Variants in CACNA2D1 observed in about 807,000 individuals in gnomAD.
CACNA2D1 encodes the protein calcium voltage-gated channel auxiliary subunit alpha2delta 1.
CACNA2D1 carries 53 observed loss-of-function variants against 171.5 expected under a neutral mutation model. The ratio of observed to expected loss-of-function variants is 0.31; its 90% CI spans 0.25 to 0.39. The LOEUF (loss-of-function observed/expected upper bound fraction) is 0.39, where lower values mean the gene tolerates loss of function less well. CACNA2D1 is among the 10% of genes least tolerant of loss of function. The pLI is 1.00. For missense variants in CACNA2D1, 903 were observed against 1,299.8 expected (o/e 0.69, Z 4.69); for synonymous variants, 442 against 443.1 (o/e 1.00, Z 0.03).
intron 1 of CACNA2D1, among the ~76,000 whole-genome samples, chr7:82,391,421 A>T (rs1825107032): frequency 6.6e-6 from 1 of 152,234 alleles, no homozygotes. Context: ...TTGCCCACTC[A>T]TCTAAATCAG....
At position 82,032,854 on chromosome 7, in the gene CACNA2D1, C is replaced by T. The variant is rs148592476; in HGVS notation, c.1086G>A (p.Thr362=). 4.9e-5 allele frequency: 78 copies of T among 1,603,234 alleles called. No homozygotes were observed. The highest frequency in any genetic ancestry group is 1.7e-4 in the Middle Eastern group (1 of 5,998). Residue 362 remains threonine, a synonymous_variant, in exon 12 of 39, where the codon ACG becomes ACA. Coordinates refer to ENST00000356860, the MANE Select transcript of CACNA2D1 (RefSeq NM_000722.4). ...CCTGGGCTCTCTCTTCTCCTCCATC[C>T]GTGAATAGCATAATAATCTTATTGC... ...ANCNKIIMLF[T]DGGEERAQEI... is the part of the protein sequence containing the mutation.
Position 82,060,412 on chromosome 7 carries a change from G to A in CACNA2D1, c.879+16C>T, listed in dbSNP as rs1290565346. 2.0e-6 allele frequency: 3 copies of A among 1,534,248 alleles called. No homozygotes were observed. Among genetic ancestry groups the A allele is most frequent in the Admixed American group, 1.7e-5 (1 of 58,888 alleles). ...TGCAAATTTAATTCAGGAAAATGCA[G>A]TCATCTTATACTTACTGAAGCTACA... On this transcript the variant is annotated intron_variant, in intron 10 of 38. Coordinates refer to ENST00000356860, the MANE Select transcript of CACNA2D1 (RefSeq NM_000722.4).
intron 2 of CACNA2D1, among the ~76,000 whole-genome samples, chr7:82,344,876 T>G (rs1237755008): frequency 6.6e-6 from 1 of 152,176 alleles, no homozygotes; most frequent in African/African-American, 2.4e-5. Context: ...ATTTGTTTAT[T>G]TAAAGTGAGA....
intron 6 of CACNA2D1, among the ~76,000 whole-genome samples, chr7:82,102,496 A>G (rs1812798173): frequency 6.6e-6 from 1 of 151,642 alleles, no homozygotes; most frequent in African/African-American, 2.4e-5. Context: ...ACACACACAC[A>G]CACGCACACA....
At chr7:82,187,129 T>C (rs917231006) in intron 3 of CACNA2D1, among the ~76,000 whole-genome samples, 12 of 152,178 alleles carry the variant, frequency 7.9e-5, no homozygotes, top group African/African-American at 2.9e-4. Context: ...ATATCAGTCA[T>C]ATAAAATCTG....
chr7:82,188,160 A>G (rs554127139), intron 3 of CACNA2D1, among the ~76,000 whole-genome samples: 2 of 152,260 alleles, frequency 1.3e-5, no homozygotes, highest in South Asian at 4.1e-4. Context: ...ACTTTCTAGT[A>G]TCATTGCCTT....
chr7:82,201,553 G>A (rs527381690), intron 3 of CACNA2D1, among the ~76,000 whole-genome samples: 1 of 152,240 alleles, frequency 6.6e-6, no homozygotes, highest in African/African-American at 2.4e-5. Context: ...TGATTATTCA[G>A]GTCCCCTTTA....
rs1382567268 is a variant in CACNA2D1 at position 82,142,925 on chromosome 7, A to C, written c.355-6249T>G. On this transcript the variant is annotated intron_variant, in intron 4 of 38. Transcript: ENST00000356860. Reference sequence around the variant, plus strand: ...TACATTTGTAGCAATTTGACTTAGCAACCACTGCTATTTTGTCCATTATCA... The same window carrying C: ...TACATTTGTAGCAATTTGACTTAGCCACCACTGCTATTTTGTCCATTATCA... Among the ~76,000 whole-genome samples the C allele has an allele frequency of 2.6e-5, 4 of 152,180 alleles. No individual in the cohort carries two copies. In the East Asian group the frequency reaches 5.8e-4, roughly 22 times the overall value.
chr7:82,021,778 G>T (rs1282943200), intron 12 of CACNA2D1, among the ~76,000 whole-genome samples: 11 of 151,996 alleles, frequency 7.2e-5, no homozygotes, highest in Admixed American at 7.2e-4. Context: ...AATAGAGAAT[G>T]ATAAAGGGGA....
At chr7:82,413,976 TAC>T (rs1053114511) in intron 1 of CACNA2D1, among the ~76,000 whole-genome samples, 1 of 152,144 alleles carries the variant, frequency 6.6e-6, no homozygotes, top group Non-Finnish European at 1.5e-5. Flanking sequence ...GTAATAATAA[TAC>T]AGTCAAAATT....
chr7:82,092,376 AT>A (rs890364735), intron 6 of CACNA2D1, among the ~76,000 whole-genome samples: 20 of 148,758 alleles, frequency 1.3e-4, no homozygotes, highest in Non-Finnish European at 2.2e-4. Flanking sequence ...CTTCACAGTC[AT>A]TTTTTTTTTC....
chr7:82,069,108 T>G (rs1808012761), intron 7 of CACNA2D1, among the ~76,000 whole-genome samples: 1 of 152,194 alleles, frequency 6.6e-6, no homozygotes, highest in Non-Finnish European at 1.5e-5. Flanking sequence ...CATAATTTCT[T>G]CTGTGATATT....
At chr7:82,042,410 C>T (rs998182675) in intron 10 of CACNA2D1, among the ~76,000 whole-genome samples, 5 of 152,008 alleles carry the variant, frequency 3.3e-5, no homozygotes, top group Admixed American at 1.3e-4. Flanking sequence ...TGGTATATGG[C>T]GAGTGAAAAG....
intron 1 of CACNA2D1, among the ~76,000 whole-genome samples, chr7:82,440,829 A>C (rs755505474): frequency 7.2e-5 from 11 of 152,062 alleles, no homozygotes; most frequent in Non-Finnish European, 8.8e-5. Flanking sequence ...TTTTAAAAAA[A>C]AACTTTGAAC....
rs191567482 is a variant in CACNA2D1, at chr7:82,283,621, T to C, written c.294+51514A>G. 1.5e-3 allele frequency among the ~76,000 whole-genome samples: 235 copies of C among 152,206 alleles called. 1 individual carries two copies. Among genetic ancestry groups the C allele is most frequent in the Non-Finnish European group, 1.5e-3 (105 of 68,006 alleles). On this transcript the variant is annotated intron_variant, in intron 3 of 38. Transcript: ENST00000356860. ...AAAATGATATGGTCTTGGAAGAAGA[T>C]GATAGGAGGAAGATTCTTATATACT...
intron 15 of CACNA2D1, 24 bp downstream of exon 15, chr7:82,012,130 T>C: frequency 7.5e-7 from 1 of 1,337,680 alleles, no homozygotes; most frequent in South Asian, 1.2e-5. Flanking sequence ...TGACAGTCTT[T>C]GACTGAATAG....
intron 2 of CACNA2D1, among the ~76,000 whole-genome samples, chr7:82,340,341 GT>G (rs199938853): frequency 0.089 from 11,859 of 133,100 alleles, 519 homozygotes; most frequent in Middle Eastern, 0.22. Context: ...TTTGTTTTTT[GT>G]TTTTTTTTTT....
rs1268614530 is a variant in CACNA2D1 at position 81,949,295 on chromosome 7, T to C, written c.*1097A>G. 1 of 152,080 alleles carries C rather than the reference T, an allele frequency of 6.6e-6. No homozygotes were observed. Among genetic ancestry groups the C allele is most frequent in the Non-Finnish European group, 1.5e-5 (1 of 67,962 alleles). The allele number at this position is 152,080 out of a possible 1,614,324, so 9.4% of individuals were successfully genotyped here. A position where few individuals can be genotyped will look rare whatever the true frequency, so the allele number is the denominator to read the frequency against. ...ATTCATTAATTCTCATTTCACCATT[T>C]ATCTAACCCCAATCATTCAGCATTT... On this transcript the variant is annotated 3_prime_UTR_variant, in exon 39 of 39. Coordinates refer to ENST00000356860, the MANE Select transcript of CACNA2D1 (RefSeq NM_000722.4).
rs79637148 is a variant in CACNA2D1, at chr7:82,274,781, G to T, written c.294+60354C>A. On this transcript the variant is annotated intron_variant, in intron 3 of 38. Transcript: ENST00000356860. ...TGAGGGGAGGCAATTCTTTTTTGTT[G>T]GTTCTAGCTCCTAAATCAGTGCCTG... 6.6e-3 allele frequency among the ~76,000 whole-genome samples: 1,001 copies of T among 152,002 alleles called. 20 individuals carry two copies. In the East Asian group the frequency reaches 0.089, roughly 14 times the overall value.
Sources: allele counts gnomAD v4.1 joint callset (sites outside exome capture counted in the v4.1 genomes callset), GRCh38; gene constraint gnomAD v4.1.1; transcripts MANE v1.5; gene names NCBI Gene and HGNC (gene_info 2026-07-23, HGNC 2026-07-21).